Variants in PHF24 observed in about 807,000 individuals in gnomAD.
PHF24 encodes the protein PHD finger protein 24.
A neutral mutation model predicts 42.6 loss-of-function variants in PHF24; 25 were observed. That is an observed-to-expected ratio of 0.59 (90% CI 0.43 to 0.82). The LOEUF is 0.82. Among genes scored for constraint, PHF24 ranks in the 40% least tolerant of loss-of-function variants. The pLI, the probability that PHF24 is intolerant of heterozygous loss-of-function variation, is 0.00. For synonymous variants in PHF24, 185 were observed against 204.8 expected (o/e 0.90, Z 0.83); for missense variants, 470 against 538.1 (o/e 0.87, Z 1.25).
At chr9:34,875,907 T>TACACACAC in the PHF24 span, among the ~76,000 whole-genome samples, 5 of 116,282 alleles carry the variant, frequency 4.3e-5, no homozygotes, top group Admixed American at 9.1e-5. Flanking sequence ...CTCTCTCTCT[T>TACACACAC]ACACACACAC....
chr9:34,826,120 C>A, the PHF24 span, among the ~76,000 whole-genome samples: 8 of 152,108 alleles, frequency 5.3e-5, no homozygotes, highest in Non-Finnish European at 1.0e-4. Context: ...CTGGATCTCA[C>A]TGGCCTCTTC....
the PHF24 span, among the ~76,000 whole-genome samples, chr9:34,885,617 C>T: frequency 3.3e-5 from 5 of 152,142 alleles, no homozygotes; most frequent in Non-Finnish European, 7.4e-5. Flanking sequence ...TTCCTGCTTC[C>T]CAGTCCACTT....
the PHF24 span, among the ~76,000 whole-genome samples, chr9:34,819,496 A>G: frequency 6.6e-6 from 1 of 152,172 alleles, no homozygotes; most frequent in Non-Finnish European, 1.5e-5. Context: ...TTGATACATT[A>G]CATTTTCAAT....
the PHF24 span, among the ~76,000 whole-genome samples, chr9:34,943,821 C>T: frequency 1.3e-5 from 2 of 152,208 alleles, no homozygotes; most frequent in Non-Finnish European, 2.9e-5. Flanking sequence ...TACATTGAAG[C>T]TCATTAGTCC....
At chr9:34,798,676 G>A in the PHF24 span, among the ~76,000 whole-genome samples, 3 of 152,172 alleles carry the variant, frequency 2.0e-5, no homozygotes, top group Non-Finnish European at 4.4e-5. Flanking sequence ...TGATGAACAT[G>A]CAAGTGCAGG....
At chr9:34,761,930 A>G in the PHF24 span, among the ~76,000 whole-genome samples, 2 of 151,940 alleles carry the variant, frequency 1.3e-5, no homozygotes, top group African/African-American at 4.8e-5. Context: ...CCCACCTATG[A>G]GTGAGAATAT....
At chr9:34,942,935 T>C in the PHF24 span, among the ~76,000 whole-genome samples, 29 of 152,006 alleles carry the variant, frequency 1.9e-4, no homozygotes, top group Non-Finnish European at 2.8e-4. Flanking sequence ...ACCAACATGG[T>C]ACATGTATAC....
chr9:34,853,072 C>A, the PHF24 span, among the ~76,000 whole-genome samples: 1 of 152,196 alleles, frequency 6.6e-6, no homozygotes, highest in Non-Finnish European at 1.5e-5. Context: ...AGCTTTTGCC[C>A]ATTCAGCCTA....
At chr9:34,924,201 C>T in the PHF24 span, among the ~76,000 whole-genome samples, 3 of 152,026 alleles carry the variant, frequency 2.0e-5, no homozygotes, top group Non-Finnish European at 4.4e-5. Flanking sequence ...ATTTTTAAGA[C>T]TTCTTTTGTG....
At chr9:34,691,257 A>G in the PHF24 span, 1 of 763,644 alleles carries the variant, frequency 1.3e-6, no homozygotes, top group Non-Finnish European at 2.2e-6. Context: ...GCAAGGTGTG[A>G]GTGATGTGAG....
chr9:34,701,214 C>A, the PHF24 span, among the ~76,000 whole-genome samples: 2 of 152,138 alleles, frequency 1.3e-5, no homozygotes, highest in Admixed American at 6.5e-5. This position sits in a 1 kb window ranked among gnomAD's most constrained non-coding sequence, Gnocchi z 5.8. Flanking sequence ...GGTAGGAGAT[C>A]CTGAATGCGC....
the PHF24 span, among the ~76,000 whole-genome samples, chr9:34,778,237 A>G: frequency 1.3e-5 from 2 of 152,208 alleles, no homozygotes; most frequent in African/African-American, 4.8e-5. Context: ...GACACGTACA[A>G]AACAAAAAGC....
the PHF24 span, among the ~76,000 whole-genome samples, chr9:34,684,331 G>A: frequency 6.6e-6 from 1 of 152,182 alleles, no homozygotes; most frequent in African/African-American, 2.4e-5. Flanking sequence ...CCTATGTGAT[G>A]GCAGCGCTGA....
the PHF24 span, among the ~76,000 whole-genome samples, chr9:34,731,922 C>A: frequency 1.3e-5 from 2 of 151,988 alleles, no homozygotes; most frequent in African/African-American, 4.8e-5. Context: ...GTGATCATGG[C>A]TCACTGGAGC....
At chr9:34,892,555 C>T in the PHF24 span, 1 of 419,680 alleles carries the variant, frequency 2.4e-6, no homozygotes. Flanking sequence ...TTGGACATTG[C>T]AATAGCAGTT....
exon 3 of PHF24, chr9:34,972,461 T>C (rs755284106): frequency 6.2e-7 from 1 of 1,614,104 alleles, no homozygotes; most frequent in South Asian, 1.1e-5. Context: ...ATGGGCTACA[T>C]CCAAGGAGAC....
chr9:34,975,912 G>T (rs1239585051), intron 3 of PHF24, among the ~76,000 whole-genome samples: 4 of 151,992 alleles, frequency 2.6e-5, no homozygotes, highest in Admixed American at 2.6e-4. Flanking sequence ...TTAGTAAAGG[G>T]ACTCAGTGCT....
the PHF24 span, among the ~76,000 whole-genome samples, chr9:34,822,235 C>T: frequency 6.6e-6 from 1 of 152,118 alleles, no homozygotes; most frequent in African/African-American, 2.4e-5. Flanking sequence ...TTCTGCTCTT[C>T]ATTTCTTGGT....
the PHF24 span, among the ~76,000 whole-genome samples, chr9:34,909,911 G>A: frequency 2.3e-4 from 35 of 152,324 alleles, 1 homozygote; most frequent in South Asian, 7.3e-3. Context: ...ACAGGCGTGA[G>A]CCACCGCGCC....
Sources: allele counts gnomAD v4.1 joint callset (sites outside exome capture counted in the v4.1 genomes callset), GRCh38; gene constraint gnomAD v4.1.1; non-coding constraint Gnocchi (gnomAD v3.1); transcripts MANE v1.5; gene names NCBI Gene and HGNC (gene_info 2026-07-23, HGNC 2026-07-21).